INTS1: variants seen among roughly 807,000 people sequenced by gnomAD.
The protein encoded by INTS1 is integrator complex subunit 1.
Under a neutral mutation model 241.6 loss-of-function variants are expected in INTS1, and 137 were observed. The observed-to-expected ratio is 0.57, with a 90% CI of 0.49 to 0.65. INTS1 has a LOEUF of 0.65. INTS1 is among the 30% of genes least tolerant of loss of function. The probability of loss-of-function intolerance (pLI) is 0.00; values close to 1 mark genes in which losing one functional copy is unlikely to be tolerated. For missense variants in INTS1, 3,073 were observed against 3,032.2 expected (o/e 1.01, Z -0.32); for synonymous variants, 1,692 against 1,337.8 (o/e 1.26, Z -5.78).
At position 1,476,405 on chromosome 7, in the gene INTS1, G is replaced by A. The variant is rs1030207436; in HGVS notation, c.5202C>T (p.Ser1734=). 7 of 1,575,344 alleles carry A rather than the reference G, an allele frequency of 4.4e-6. No individual in the cohort carries two copies. In the African/African-American group the frequency reaches 5.4e-5, roughly 12 times the overall value. ...CCTCGGCCAGGATCAGCTCCACCAG[G>A]CTGATGAGCTCCGGGCCCTGGACCC... The part of the protein sequence containing the change: ...VLRVQGPELI[S]LVELILAEAE... Residue 1734 remains serine (S), a synonymous_variant, in exon 38 of 48, where the codon AGC becomes AGT. Transcript: ENST00000404767.
At chr7:1,486,895 G>C (rs754156410) in intron 21 of INTS1, 27 bp downstream of exon 21, 6 of 1,587,154 alleles carry the variant, frequency 3.8e-6, no homozygotes, top group African/African-American at 1.3e-5. Context: ...TGAGAGGCGG[G>C]GGGGCTGAGG....
At chr7:1,485,723 T>C (rs922989109) in intron 22 of INTS1, among the ~76,000 whole-genome samples, 2 of 152,236 alleles carry the variant, frequency 1.3e-5, no homozygotes, top group African/African-American at 4.8e-5. Flanking sequence ...GGCGGCAGGG[T>C]CCACCTTCAC....
chr7:1,477,848 C>T lies in INTS1; in HGVS notation c.4719G>A (p.Pro1573=), dbSNP rs371705336. The T allele has an allele frequency of 8.5e-5, 137 of 1,612,600 alleles. No individual in the cohort carries two copies. Among genetic ancestry groups the T allele is most frequent in the Non-Finnish European group, 1.1e-4 (131 of 1,179,860 alleles). ...CCACAACGGGCTTACAGGCTGGAAACGGGGAGGCAGCATCCGCAGTGGCAG... is the reference window on the plus strand; with the variant it reads ...CCACAACGGGCTTACAGGCTGGAAATGGGGAGGCAGCATCCGCAGTGGCAG... The part of the protein sequence containing the change: ...FFSATADAAS[P]FPACKPVVVV... Residue 1573 remains proline (P), a synonymous_variant, in exon 34 of 48, where the codon CCG becomes CCA. Transcript: ENST00000404767.
intron 34 of INTS1, 38 bp downstream of exon 34, chr7:1,477,715 G>C: frequency 6.2e-7 from 1 of 1,605,634 alleles, no homozygotes; most frequent in Admixed American, 1.7e-5. Flanking sequence ...GGTGCCACCC[G>C]CCTGCCCACC....
At chr7:1,483,636 G>A (rs2128537125) in intron 26 of INTS1, 106 bp downstream of exon 26, 2 of 845,892 alleles carry the variant, frequency 2.4e-6, no homozygotes, top group African/African-American at 1.7e-5. Context: ...GGGCTGGGGG[G>A]CTTCCCGCCC....
chr7:1,503,880 G>A, intron 2 of INTS1, 23 bp downstream of exon 2: 2 of 1,322,926 alleles, frequency 1.5e-6, no homozygotes, highest in Non-Finnish European at 2.0e-6. Flanking sequence ...CCCCCGGGCT[G>A]CAGAGCGAGG....
intron 36 of INTS1, 46 bp from the exon 37 acceptor site, chr7:1,476,703 C>T: frequency 1.9e-6 from 3 of 1,612,162 alleles, no homozygotes; most frequent in South Asian, 1.1e-5. Flanking sequence ...CTCGTCTCAG[C>T]ATGGGAGATA....
Position 1,497,150 on chromosome 7 carries a change from C to T in INTS1, c.1590G>A (p.Glu530=), listed in dbSNP as rs1246420076. Reference sequence around the variant, plus strand: ...CGAGGGCTGGCACCTTGAACTCCATCTCCAGGTACTGCGGCTCCTTGCGCT... The same window carrying T: ...CGAGGGCTGGCACCTTGAACTCCATTTCCAGGTACTGCGGCTCCTTGCGCT... ...MQERKEPQYL[E]MEFKERFVVH... Residue 530 remains glutamate (E), a synonymous_variant, in exon 11 of 48, where the codon GAG becomes GAA. Transcript: ENST00000404767. This position sits in a 1 kb window ranked among gnomAD's most constrained non-coding sequence, Gnocchi z 5.3. 6.2e-7 allele frequency: 1 copy of T among 1,605,996 alleles called. No homozygotes were observed. Among genetic ancestry groups the T allele is most frequent in the Non-Finnish European group, 8.5e-7 (1 of 1,177,338 alleles).
intron 14 of INTS1, among the ~76,000 whole-genome samples, chr7:1,494,254 G>A (rs181879888): frequency 2.3e-3 from 348 of 152,360 alleles, no homozygotes; most frequent in Non-Finnish European, 3.8e-3. Context: ...GGGGCCAGGA[G>A]ACAGAGATAA....
At chr7:1,488,038 G>A (rs968449034) in intron 18 of INTS1, 81 bp from the exon 19 acceptor site, 7 of 1,458,780 alleles carry the variant, frequency 4.8e-6, no homozygotes, top group Middle Eastern at 1.8e-4. Flanking sequence ...GGTCAAGGAG[G>A]GTAAAACCCC....
rs866603334 is a variant in INTS1, at chr7:1,503,051, T to C, written c.199A>G (p.Ser67Gly). Reference sequence around the variant, plus strand: ...GTGAGACCGGTGAGGGCCGAGGCACTGGACAACGCGGCCGCCGCATCCCGC... The same window carrying C: ...GTGAGACCGGTGAGGGCCGAGGCACCGGACAACGCGGCCGCCGCATCCCGC... ...RKRDAAAALSSASALTGLTKR... is the reference protein window; with the variant it reads ...RKRDAAAALSGASALTGLTKR... The change falls in exon 3 of 48, where the codon AGT becomes GGT. Residue 67 changes from serine (S) to glycine (G), a missense_variant. Transcript: ENST00000404767. 6.2e-7 allele frequency: 1 copy of C among 1,613,434 alleles called. No homozygotes were observed. Among genetic ancestry groups the C allele is most frequent in the Non-Finnish European group, 8.5e-7 (1 of 1,179,744 alleles).
rs1782203007 is a variant in INTS1, at chr7:1,485,324, C to T, written c.3122G>A (p.Ser1041Asn). The change falls in exon 23 of 48, where the codon AGC (serine) becomes AAC (asparagine). Residue 1041 changes from serine to asparagine, a missense_variant. By Grantham distance (46) the Ser-to-Asn change is conservative. Coordinates refer to ENST00000404767, the MANE Select transcript of INTS1 (RefSeq NM_001080453.3). ...RDLPRLPLFD[S>N]VRSTTALALQ... The stretch of plus-strand genomic sequence containing the variant: ...GGCCAGGGCTGTGGTGCTCCTGACG[C>T]TGTCGAACAGAGGCAGGCGAGGCAG... 6.2e-7 allele frequency: 1 copy of T among 1,612,004 alleles called. No individual in the cohort carries two copies. The highest frequency in any genetic ancestry group is 8.5e-7 in the Non-Finnish European group (1 of 1,179,766).
At chr7:1,495,836 G>A (rs1395298381) in intron 12 of INTS1, among the ~76,000 whole-genome samples, 2 of 152,240 alleles carry the variant, frequency 1.3e-5, no homozygotes, top group Middle Eastern at 3.4e-3. Flanking sequence ...TCAAACACCC[G>A]GACTGCCCCA....
intron 19 of INTS1, 120 bp from the exon 20 acceptor site, chr7:1,487,569 TGACCTGG>T: frequency 7.5e-7 from 1 of 1,341,384 alleles, no homozygotes; most frequent in South Asian, 1.4e-5. Context: ...CAACCCATCC[TGACCTGG>T]GATGTCCCCA....
chr7:1,489,380 G>A lies in INTS1; in HGVS notation c.2282C>T (p.Pro761Leu), dbSNP rs1446987159. ...CATCTCCATGAGCATCTTCAGGGTC[G>A]GGTACTCCTCCCACGCAGCCAGGCC... ...NIGLAAWEEY[P>L]TLKMLMEMVM... The change falls in exon 18 of 48, where the codon CCG becomes CTG. Residue 761 changes from proline to leucine, a missense_variant. Pro to Leu is a moderately conservative substitution (Grantham distance 98, BLOSUM62 -3). Coordinates refer to ENST00000404767, the MANE Select transcript of INTS1 (RefSeq NM_001080453.3). 2.5e-6 allele frequency: 4 copies of A among 1,609,156 alleles called. No homozygotes were observed. The highest frequency in any genetic ancestry group is 3.4e-6 in the Non-Finnish European group (4 of 1,178,536).
intron 13 of INTS1, 145 bp downstream of exon 13, chr7:1,495,288 C>T (rs1165074260): frequency 6.9e-6 from 7 of 1,012,374 alleles, no homozygotes; most frequent in Non-Finnish European, 9.8e-6. Flanking sequence ...TGGCTTGTCC[C>T]GGCTTAGTGG....
rs532460812 is a variant in INTS1 at position 1,492,615 on chromosome 7, G to C, written c.2165+395C>G. ...CTCGATAAAGCCGTGAATATATAGAGCATAAACTCGTTGTGTAAAAAATAA... is the reference window on the plus strand; with the variant it reads ...CTCGATAAAGCCGTGAATATATAGACCATAAACTCGTTGTGTAAAAAATAA... On this transcript the variant is annotated intron_variant, in intron 16 of 47. Transcript: ENST00000404767. Among the ~76,000 whole-genome samples the C allele has an allele frequency of 2.4e-3, 268 of 109,484 alleles. 1 individual carries two copies. The highest frequency in any genetic ancestry group is 0.013 in the African/African-American group (249 of 19,232). 71.8% of individuals were successfully genotyped at this position (109,484 alleles called of 152,430 possible).
At chr7:1,485,524 A>C in intron 22 of INTS1, 55 bp from the exon 23 acceptor site, 2 of 1,565,230 alleles carry the variant, frequency 1.3e-6, no homozygotes, top group Non-Finnish European at 1.7e-6. Context: ...GCAGGGTCTC[A>C]CCCTGGCCCC....
chr7:1,503,112 C>T lies in INTS1; in HGVS notation c.138G>A (p.Leu46=), dbSNP rs763242830. 1.9e-6 allele frequency: 3 copies of T among 1,605,672 alleles called. No individual in the cohort carries two copies. Among genetic ancestry groups the T allele is most frequent in the East Asian group, 2.2e-5 (1 of 44,658 alleles). ...ANESKTASTL[L]KPAPSGLPSE... is the part of the protein sequence containing the mutation. ...AAGGCAGGCCGGAAGGGGCTGGCTTCAGCAGGGTGGACGCCGTTTTCGATT... is the reference window on the plus strand; with the variant it reads ...AAGGCAGGCCGGAAGGGGCTGGCTTTAGCAGGGTGGACGCCGTTTTCGATT... The change falls in exon 3 of 48, where the codon CTG becomes CTA. Residue 46 remains leucine (L), a synonymous_variant. Transcript: ENST00000404767.
Sources: gnomAD v4.1 joint callset for allele counts (sites outside exome capture counted in the v4.1 genomes callset) on GRCh38, gnomAD v4.1.1 for gene constraint, Gnocchi (gnomAD v3.1) non-coding constraint, MANE v1.5 for transcripts, NCBI Gene and HGNC (gene_info 2026-07-23, HGNC 2026-07-21) for gene names.